Variants in TGFBRAP1 observed in about 807,000 individuals in gnomAD.
The protein encoded by TGFBRAP1 is transforming growth factor beta receptor associated protein 1, also known as transforming growth factor-beta receptor-associated protein 1.
Under a neutral mutation model 83.2 loss-of-function variants are expected in TGFBRAP1, and 20 were observed. That is an observed-to-expected ratio of 0.24 (90% CI 0.17 to 0.35). The LOEUF is 0.35. Ranked by LOEUF, TGFBRAP1 falls within the 10% of genes least tolerant of loss-of-function variation. TGFBRAP1 has a pLI of 1.00. For missense variants in TGFBRAP1, 950 were observed against 1,099.4 expected (o/e 0.86, Z 1.92); for synonymous variants, 415 against 459.8 (o/e 0.90, Z 1.25).
At chr2:105,287,555 G>C (rs1677761940) in intron 4 of TGFBRAP1, among the ~76,000 whole-genome samples, 1 of 152,030 alleles carries the variant, frequency 6.6e-6, no homozygotes, top group Non-Finnish European at 1.5e-5. Context: ...TGTGGCCCTG[G>C]GTGGGTTATT....
chr2:105,280,053 TA>T lies in TGFBRAP1; in HGVS notation c.1463+328del, dbSNP rs1188904900. ...ACTCCGTCTCAAAAAAAATAGTCATTAAAAAAAAAAAAAAGAAAGAAAATTA... is the reference window on the plus strand; with the variant it reads ...ACTCCGTCTCAAAAAAAATAGTCATTAAAAAAAAAAAAAGAAAGAAAATTA... On this transcript the variant is annotated intron_variant, in intron 6 of 11. Coordinates refer to ENST00000393359, the MANE Select transcript of TGFBRAP1 (RefSeq NM_004257.6). Among the ~76,000 whole-genome samples the T allele has an allele frequency of 7.3e-3, 965 of 131,496 alleles. 4 individuals carry two copies. The highest frequency in any genetic ancestry group is 0.013 in the East Asian group (61 of 4,560). The allele number at this position is 131,496 out of a possible 152,430, so 86.3% of individuals were successfully genotyped here.
At chr2:105,317,644 TC>T (rs1678926877) in intron 1 of TGFBRAP1, among the ~76,000 whole-genome samples, 3 of 152,114 alleles carry the variant, frequency 2.0e-5, no homozygotes. Context: ...TGATAAATTC[TC>T]CCATGTGAAA....
At chr2:105,255,382 T>C in the TGFBRAP1 span, among the ~76,000 whole-genome samples, 4 of 151,932 alleles carry the variant, frequency 2.6e-5, no homozygotes, top group African/African-American at 4.8e-5. Context: ...AGTGCAGTGG[T>C]ACAATCATGG....
chr2:105,319,065 T>TTG (rs931095521), intron 1 of TGFBRAP1, among the ~76,000 whole-genome samples: 10 of 150,752 alleles, frequency 6.6e-5, no homozygotes, highest in Non-Finnish European at 1.5e-4. Flanking sequence ...GAGCCTTTTT[T>TTG]TGTGTGTGTG....
In TGFBRAP1 at chr2:105,275,493, A is replaced by T; in HGVS notation, c.1665+67T>A. The T allele has an allele frequency of 5.1e-6, 8 of 1,566,294 alleles. No homozygotes were observed. The South Asian group carries it at 9.6e-5, about 19-fold the overall frequency. ...GCTTTCTTTTCCCCTCCTAAAAGCA[A>T]AGCTTTTGGGGTCTGTTTTTACCAC... is the stretch of plus-strand genomic sequence containing the variant. On this transcript the variant is annotated intron_variant, in intron 8 of 11. Coordinates refer to ENST00000393359, the MANE Select transcript of TGFBRAP1 (RefSeq NM_004257.6).
Position 105,307,805 on chromosome 2 carries a change from G to A in TGFBRAP1, c.497C>T (p.Thr166Ile), listed in dbSNP as rs139231397. Residue 166 changes from threonine to isoleucine, a missense_variant, in exon 2 of 12, where the codon ACT becomes ATT. Thr to Ile is a moderately conservative substitution (Grantham distance 89, BLOSUM62 -1). Coordinates refer to ENST00000393359, the MANE Select transcript of TGFBRAP1 (RefSeq NM_004257.6). ...AGCCACAGCGAGGGGCTGCTCGGCA[G>A]TCGACACCTCCTTGACGATCTGCAC... ...DRVQIVKEVS[T>I]AEQPLAVAVD... 4 of 1,614,072 alleles carry A rather than the reference G, an allele frequency of 2.5e-6. No individual in the cohort carries two copies. The African/African-American group carries it at 5.3e-5, about 22-fold the overall frequency.
In TGFBRAP1 at chr2:105,308,190, A is replaced by G. The variant is rs1678581886; in HGVS notation, c.112T>C (p.Tyr38His). The G allele has an allele frequency of 6.2e-7, 1 of 1,614,224 alleles. No homozygotes were observed. Among genetic ancestry groups the G allele is most frequent in the South Asian group, 1.1e-5 (1 of 91,078 alleles). Residue 38 changes from tyrosine (Y) to histidine (H), a missense_variant, in exon 2 of 12, where the codon TAC (tyrosine) becomes CAC (histidine). Coordinates refer to ENST00000393359, the MANE Select transcript of TGFBRAP1 (RefSeq NM_004257.6). ...ACGAAGCAGTCGTTGGTGCCCACGTAGAGGTCCCTGCCGCAGCACTCCACG... is the reference window on the plus strand; with the variant it reads ...ACGAAGCAGTCGTTGGTGCCCACGTGGAGGTCCCTGCCGCAGCACTCCACG... ...ECVECCGRDLYVGTNDCFVYH... is the reference protein window; with the variant it reads ...ECVECCGRDLHVGTNDCFVYH...
At chr2:105,302,998 T>G (rs979503773) in intron 2 of TGFBRAP1, among the ~76,000 whole-genome samples, 1 of 152,252 alleles carries the variant, frequency 6.6e-6, no homozygotes, top group Non-Finnish European at 1.5e-5. Flanking sequence ...CTCTGTTGTA[T>G]GTACTGTGGG....
At chr2:105,287,325 T>C (rs1677753405) in intron 4 of TGFBRAP1, among the ~76,000 whole-genome samples, 1 of 152,176 alleles carries the variant, frequency 6.6e-6, no homozygotes, top group African/African-American at 2.4e-5. Context: ...GCCACAGAAC[T>C]ACACACTTAA....
At chr2:105,251,577 T>C in the TGFBRAP1 span, among the ~76,000 whole-genome samples, 2 of 150,958 alleles carry the variant, frequency 1.3e-5, no homozygotes, top group African/African-American at 4.9e-5. Context: ...GGGGCGCCTC[T>C]GCCCGGCCGC....
chr2:105,301,708 T>A (rs1678301526), intron 2 of TGFBRAP1, among the ~76,000 whole-genome samples: 1 of 152,168 alleles, frequency 6.6e-6, no homozygotes, highest in Admixed American at 6.5e-5. Context: ...CTGAAAATAT[T>A]GATACATTTG....
chr2:105,253,646 G>C, the TGFBRAP1 span, among the ~76,000 whole-genome samples: 2 of 151,968 alleles, frequency 1.3e-5, no homozygotes, highest in Non-Finnish European at 2.9e-5. Context: ...TGTTGCCCAG[G>C]CTCATCTGGA....
chr2:105,326,483 C>T (rs1011530517), intron 1 of TGFBRAP1, among the ~76,000 whole-genome samples: 7 of 152,136 alleles, frequency 4.6e-5, no homozygotes, highest in Admixed American at 1.3e-4. Context: ...TTCGGGAGGC[C>T]GAGGCAGATG....
chr2:105,252,374 T>G, the TGFBRAP1 span, among the ~76,000 whole-genome samples: 1 of 152,204 alleles, frequency 6.6e-6, no homozygotes, highest in Non-Finnish European at 1.5e-5. Flanking sequence ...CCCAAGGCCT[T>G]GGAATTCTCT....
chr2:105,252,462 G>T, the TGFBRAP1 span, among the ~76,000 whole-genome samples: 1 of 152,136 alleles, frequency 6.6e-6, no homozygotes, highest in African/African-American at 2.4e-5. Flanking sequence ...GGGGGTTCTG[G>T]GGAGTGCCGG....
intron 5 of TGFBRAP1, among the ~76,000 whole-genome samples, chr2:105,283,791 C>A: frequency 6.6e-6 from 1 of 152,192 alleles, no homozygotes; most frequent in East Asian, 1.9e-4. Context: ...CAAGAGTAAT[C>A]ACAGTGCCAG....
chr2:105,327,593 AG>A (rs780857257), intron 1 of TGFBRAP1, among the ~76,000 whole-genome samples: 15 of 152,114 alleles, frequency 9.9e-5, no homozygotes, highest in Non-Finnish European at 2.1e-4. Flanking sequence ...AAAACCACCC[AG>A]AAGACAACAA....
At chr2:105,252,751 CTTT>C in the TGFBRAP1 span, among the ~76,000 whole-genome samples, 3 of 113,326 alleles carry the variant, frequency 2.6e-5, no homozygotes, top group Admixed American at 1.1e-4. Context: ...ATATTAACAT[CTTT>C]TTTTTTTTTT....
At position 105,298,585 on chromosome 2, in the gene TGFBRAP1, ACTGTGATGAATTCGTC is replaced by A. The variant is rs1678165770; in HGVS notation, c.793_808del (p.Asp265SerfsTer28). 6.2e-7 allele frequency: 1 copy of A among 1,613,988 alleles called. No homozygotes were observed. On this transcript the variant is annotated frameshift_variant, in exon 3 of 12. Transcript: ENST00000393359. LOFTEE classifies it high-confidence loss of function. Reference sequence around the variant, plus strand: ...CTGTTGCTGATCCAACATGCTGTGGACTGTGATGAATTCGTCATCGAGCGCTATGACGTATGGAAAG... The same window carrying A: ...CTGTTGCTGATCCAACATGCTGTGGAATCGAGCGCTATGACGTATGGAAAG...
Sources: gnomAD v4.1 joint callset for allele counts (sites outside exome capture counted in the v4.1 genomes callset) on GRCh38, gnomAD v4.1.1 for gene constraint, MANE v1.5 for transcripts, NCBI Gene and HGNC (gene_info 2026-07-23, HGNC 2026-07-21) for gene names.